MAP3K7CL: variants seen among roughly 807,000 people sequenced by gnomAD.
The protein encoded by MAP3K7CL is MAP3K7 C-terminal-like protein.
A neutral mutation model predicts 18.6 loss-of-function variants in MAP3K7CL; 16 were observed. The observed-to-expected ratio is 0.86, with a 90% CI of 0.58 to 1.31. The LOEUF is 1.31. MAP3K7CL is among the 50% of genes most tolerant of loss of function. The pLI, the probability that MAP3K7CL is intolerant of heterozygous loss-of-function variation, is 0.00. For missense variants in MAP3K7CL, 163 were observed against 174.4 expected (o/e 0.93, Z 0.37); for synonymous variants, 65 against 66.8 (o/e 0.97, Z 0.13).
chr21:29,174,929 A>G lies in MAP3K7CL; in HGVS notation c.*37A>G. 6.3e-7 allele frequency: 1 copy of G among 1,597,196 alleles called. No individual in the cohort carries two copies. On this transcript the variant is annotated 3_prime_UTR_variant, in exon 5 of 5. Coordinates refer to ENST00000399928, the MANE Select transcript of MAP3K7CL (RefSeq NM_001286620.2). ...TCAGTGTGAGCATACGAGGCTGATG[A>G]CTGCCCTGTGCTGGCCAAAAGATTT...
intron 1 of MAP3K7CL, chr21:29,091,456 T>G: frequency 1.6e-6 from 1 of 641,338 alleles, no homozygotes; most frequent in Non-Finnish European, 2.8e-6. Context: ...TTTTCCTGAG[T>G]GTACATTTTC....
At chr21:29,103,044 G>A (rs1333368778) in intron 4 of MAP3K7CL, among the ~76,000 whole-genome samples, 1 of 152,164 alleles carries the variant, frequency 6.6e-6, no homozygotes, top group Non-Finnish European at 1.5e-5. Flanking sequence ...CCAGATTCTT[G>A]ACCCATAGAA....
intron 2 of MAP3K7CL, among the ~76,000 whole-genome samples, chr21:29,142,488 C>T (rs2087031646): frequency 6.6e-6 from 1 of 152,168 alleles, no homozygotes; most frequent in Non-Finnish European, 1.5e-5. Context: ...GAGTCATTGA[C>T]CTTAACCCTG....
chr21:29,128,054 G>C (rs748300347), upstream of MAP3K7CL: 1 of 152,316 alleles, frequency 6.6e-6, no homozygotes, highest in Non-Finnish European at 1.5e-5. Context: ...GGCAATGTCA[G>C]TGTCACCACC....
chr21:29,088,158 T>C (rs771993651), intron 1 of MAP3K7CL, among the ~76,000 whole-genome samples: 8 of 152,224 alleles, frequency 5.3e-5, no homozygotes, highest in Non-Finnish European at 8.8e-5. Flanking sequence ...TTCACTTGTG[T>C]TCTCATAACT....
At chr21:29,097,661 CAT>C (rs1980970565) in intron 4 of MAP3K7CL, among the ~76,000 whole-genome samples, 1 of 151,852 alleles carries the variant, frequency 6.6e-6, no homozygotes. Flanking sequence ...ATGTAGTTAT[CAT>C]AGCAATTGAT....
chr21:29,130,691 T>TGAAGGGAAGCG lies in MAP3K7CL; in HGVS notation c.-262_-252dup. 2.0e-6 allele frequency: 2 copies of TGAAGGGAAGCG among 985,470 alleles called. No homozygotes were observed. The highest frequency in any genetic ancestry group is 2.4e-6 in the Non-Finnish European group (2 of 829,992). 61.0% of individuals were successfully genotyped at this position (985,470 alleles called of 1,614,324 possible). A position where few individuals can be genotyped will look rare whatever the true frequency, so the allele number is the denominator to read the frequency against. On this transcript the variant is annotated 5_prime_UTR_variant, in exon 1 of 5. Transcript: ENST00000399928. ...AGGCAAGGAAAGGAGAGAGGGGTTG[T>TGAAGGGAAGCG]GAAGGGAAGCGGAAGGGAAGGGAAG...
At chr21:29,162,988 G>A (rs935028744) in intron 4 of MAP3K7CL, among the ~76,000 whole-genome samples, 1 of 152,134 alleles carries the variant, frequency 6.6e-6, no homozygotes, top group Non-Finnish European at 1.5e-5. Flanking sequence ...GCACGTGCCT[G>A]TAATCGCAGC....
intron 1 of MAP3K7CL, among the ~76,000 whole-genome samples, chr21:29,089,786 AG>A (rs1280723480): frequency 2.6e-5 from 4 of 151,976 alleles, no homozygotes; most frequent in African/African-American, 7.2e-5. Flanking sequence ...AGTGAAAGCA[AG>A]AAAAAAGAGG....
At chr21:29,121,782 T>C (rs906321338) in intron 4 of MAP3K7CL, among the ~76,000 whole-genome samples, 1 of 151,432 alleles carries the variant, frequency 6.6e-6, no homozygotes, top group African/African-American at 2.4e-5. Flanking sequence ...CTCGTAGGCC[T>C]TCTGATTTTA....
intron 1 of MAP3K7CL, among the ~76,000 whole-genome samples, chr21:29,090,579 C>G (rs2086008058): frequency 6.6e-6 from 1 of 152,138 alleles, no homozygotes; most frequent in Admixed American, 6.5e-5. Flanking sequence ...CAGGGTTTCA[C>G]TGTGTTAGCC....
chr21:29,131,857 TA>T (rs2146622961), intron 1 of MAP3K7CL, among the ~76,000 whole-genome samples: 1 of 152,316 alleles, frequency 6.6e-6, no homozygotes, highest in South Asian at 2.1e-4. Context: ...TAAATACTTT[TA>T]AAAACAAAAT....
At chr21:29,170,304 G>T (rs1342564018) in intron 4 of MAP3K7CL, among the ~76,000 whole-genome samples, 2 of 152,170 alleles carry the variant, frequency 1.3e-5, no homozygotes, top group East Asian at 3.8e-4. Flanking sequence ...TTCCAGTAAA[G>T]AAGAAATTAT....
upstream of MAP3K7CL, chr21:29,085,855 G>A (rs571280790): frequency 1.5e-5 from 25 of 1,614,038 alleles, no homozygotes; most frequent in South Asian, 1.3e-4. Flanking sequence ...CATGCAAAGC[G>A]ACTAGATGGT....
chr21:29,104,326 G>A (rs1283645477), intron 4 of MAP3K7CL, among the ~76,000 whole-genome samples: 1 of 151,786 alleles, frequency 6.6e-6, no homozygotes, highest in Non-Finnish European at 1.5e-5. Context: ...AAGAGCTGTG[G>A]TTTACATGTA....
chr21:29,115,632 T>G (rs1431492222), intron 4 of MAP3K7CL, among the ~76,000 whole-genome samples: 1 of 152,162 alleles, frequency 6.6e-6, no homozygotes, highest in Non-Finnish European at 1.5e-5. Context: ...GGGGTGATAA[T>G]AGTTCTTGCC....
intron 4 of MAP3K7CL, among the ~76,000 whole-genome samples, chr21:29,097,183 A>G (rs2086138266): frequency 6.6e-6 from 1 of 152,154 alleles, no homozygotes; most frequent in Non-Finnish European, 1.5e-5. Context: ...TACTGGGCAG[A>G]CAGAACCCAA....
upstream of MAP3K7CL, among the ~76,000 whole-genome samples, chr21:29,081,328 T>G (rs1003404901): frequency 2.0e-5 from 3 of 152,316 alleles, no homozygotes; most frequent in African/African-American, 7.2e-5. Flanking sequence ...GGCAGGTGGA[T>G]CACAAGGTCA....
At chr21:29,121,144 G>C (rs1039304190) in intron 4 of MAP3K7CL, among the ~76,000 whole-genome samples, 1 of 149,536 alleles carries the variant, frequency 6.7e-6, no homozygotes, top group Non-Finnish European at 1.5e-5. Context: ...ATCTGTTCAA[G>C]TACTCTACCC....
Sources: gnomAD v4.1 joint callset for allele counts (sites outside exome capture counted in the v4.1 genomes callset) on GRCh38, gnomAD v4.1.1 for gene constraint, MANE v1.5 for transcripts, NCBI Gene and HGNC (gene_info 2026-07-23, HGNC 2026-07-21) for gene names.